Variants in GALNT13 observed in about 807,000 individuals in gnomAD.
The protein encoded by GALNT13 is UDP-GalNAc:polypeptide N-acetylgalactosaminyltransferase 13.
In GALNT13, 28 loss-of-function variants were observed where a neutral mutation model predicts 64.2. The observed-to-expected ratio is 0.44, with a 90% CI of 0.32 to 0.60. The LOEUF is 0.60. Among genes scored for constraint, GALNT13 ranks in the 20% least tolerant of loss-of-function variants. The probability of loss-of-function intolerance (pLI) is 0.05; values close to 1 mark genes in which losing one functional copy is unlikely to be tolerated. For synonymous variants in GALNT13, 214 were observed against 224.6 expected, an observed-to-expected ratio of 0.95 and a Z score of 0.42; for missense variants, 577 against 669.8, an observed-to-expected ratio of 0.86 and a Z score of 1.53.
chr2:153,496,315 ACTTAACT>A, the GALNT13 span, among the ~76,000 whole-genome samples: 1 of 152,168 alleles, frequency 6.6e-6, no homozygotes, highest in East Asian at 1.9e-4. Flanking sequence ...GGAGATAAAT[ACTTAACT>A]CTTAGGAAAT....
chr2:153,681,367 T>G, the GALNT13 span, among the ~76,000 whole-genome samples: 1 of 152,000 alleles, frequency 6.6e-6, no homozygotes, highest in African/African-American at 2.4e-5. Context: ...TTTCCAAAAC[T>G]ACTTCTCTGA....
At chr2:153,118,601 AG>A in the GALNT13 span, among the ~76,000 whole-genome samples, 1 of 152,176 alleles carries the variant, frequency 6.6e-6, no homozygotes, top group African/African-American at 2.4e-5. Context: ...GTGTAGCTGT[AG>A]GGTCAAGGAG....
chr2:153,783,866 A>G, the GALNT13 span, among the ~76,000 whole-genome samples: 1 of 152,174 alleles, frequency 6.6e-6, no homozygotes, highest in East Asian at 1.9e-4. Flanking sequence ...CTTCCCAGCC[A>G]TGCTGAACTG....
At chr2:153,656,090 A>G in the GALNT13 span, among the ~76,000 whole-genome samples, 15 of 152,264 alleles carry the variant, frequency 9.9e-5, no homozygotes, top group East Asian at 2.5e-3. Context: ...CTTATGAATT[A>G]AACTCAAAAT....
the GALNT13 span, among the ~76,000 whole-genome samples, chr2:153,382,506 A>G: frequency 7.4e-4 from 113 of 152,114 alleles, no homozygotes; most frequent in Non-Finnish European, 1.3e-3. Flanking sequence ...ACATGATTTC[A>G]TTCTTTTTTA....
At position 154,367,194 on chromosome 2, in the gene GALNT13, C is replaced by T. The variant is rs187567520; in HGVS notation, c.1157-28797C>T. Among the ~76,000 whole-genome samples the T allele has an allele frequency of 1.5e-4, 23 of 151,774 alleles. No individual in the cohort carries two copies. In the East Asian group the frequency reaches 4.3e-3, roughly 28 times the overall value. ...TAAATGAGATGAAACATAAGTGATT[C>T]GAACATAAGCAAGATCATTCTAAAA... On this transcript the variant is annotated intron_variant, in intron 9 of 12. Coordinates refer to ENST00000392825, the MANE Select transcript of GALNT13 (RefSeq NM_052917.4).
At chr2:153,775,577 T>A in the GALNT13 span, among the ~76,000 whole-genome samples, 1 of 152,154 alleles carries the variant, frequency 6.6e-6, no homozygotes, top group Non-Finnish European at 1.5e-5. Context: ...TTTCTTAATT[T>A]TTTTTCATTA....
At chr2:153,637,715 A>C in the GALNT13 span, among the ~76,000 whole-genome samples, 1 of 152,160 alleles carries the variant, frequency 6.6e-6, no homozygotes, top group African/African-American at 2.4e-5. Flanking sequence ...GTGTGAAATA[A>C]ATCTAGAATA....
the GALNT13 span, among the ~76,000 whole-genome samples, chr2:153,847,583 T>A: frequency 3.3e-5 from 5 of 152,058 alleles, no homozygotes; most frequent in African/African-American, 1.2e-4. Context: ...TGAAAATTCC[T>A]AGATATTTGG....
At chr2:154,392,455 GTTCC>G (rs1698840647) in intron 9 of GALNT13, among the ~76,000 whole-genome samples, 5 of 152,168 alleles carry the variant, frequency 3.3e-5, no homozygotes. Flanking sequence ...GTAAGTTTCA[GTTCC>G]TTTATATTAT....
intron 8 of GALNT13, among the ~76,000 whole-genome samples, chr2:154,280,526 T>G (rs982159453): frequency 6.6e-6 from 1 of 152,196 alleles, no homozygotes; most frequent in Non-Finnish European, 1.5e-5. Context: ...GAAATTTAAT[T>G]GAAACTGAAA....
intron 9 of GALNT13, among the ~76,000 whole-genome samples, chr2:154,332,002 T>A (rs1695191206): frequency 6.6e-6 from 1 of 152,142 alleles, no homozygotes; most frequent in Admixed American, 6.6e-5. Context: ...CGTGATCTAT[T>A]TCAGGCTTTA....
chr2:153,887,871 C>T (rs553315984), intron 1 of GALNT13, among the ~76,000 whole-genome samples: 13 of 152,078 alleles, frequency 8.5e-5, no homozygotes, highest in Admixed American at 1.3e-4. Context: ...ATTGCCATCC[C>T]ACCCTTCATT....
chr2:153,880,483 A>G (rs923778359), intron 1 of GALNT13, among the ~76,000 whole-genome samples: 1 of 152,162 alleles, frequency 6.6e-6, no homozygotes, highest in Non-Finnish European at 1.5e-5. Context: ...AAAAGAGTTA[A>G]AAATCGGCAT....
intron 3 of GALNT13, among the ~76,000 whole-genome samples, chr2:153,988,057 CATATAT>C (rs149702413): frequency 4.2e-5 from 5 of 118,276 alleles, no homozygotes; most frequent in East Asian, 2.0e-4. Flanking sequence ...TAGGAGGTGA[CATATAT>C]ATATATATAT....
At chr2:154,107,850 A>G (rs1402177675) in intron 3 of GALNT13, among the ~76,000 whole-genome samples, 1 of 152,084 alleles carries the variant, frequency 6.6e-6, no homozygotes, top group Non-Finnish European at 1.5e-5. Flanking sequence ...GTTAGAGAGA[A>G]CATGTAGTAA....
the GALNT13 span, chr2:153,478,409 T>C: frequency 5.0e-6 from 8 of 1,614,026 alleles, no homozygotes; most frequent in Non-Finnish European, 6.8e-6. Context: ...ACGCGCATTA[T>C]GTACAGGCTA....
chr2:153,555,059 C>G, the GALNT13 span, among the ~76,000 whole-genome samples: 1 of 151,894 alleles, frequency 6.6e-6, no homozygotes, highest in Admixed American at 6.6e-5. Context: ...CTCTGTAGTA[C>G]CTTTTAAAAA....
chr2:154,205,705 C>T lies in GALNT13; in HGVS notation c.312-36325C>T, dbSNP rs1687406812. Among the ~76,000 whole-genome samples the T allele has an allele frequency of 2.6e-5, 4 of 152,244 alleles. No homozygotes were observed. The South Asian group carries it at 8.3e-4, about 32-fold the overall frequency. On this transcript the variant is annotated intron_variant, in intron 4 of 12. Coordinates refer to ENST00000392825, the MANE Select transcript of GALNT13 (RefSeq NM_052917.4). The stretch of plus-strand genomic sequence containing the variant: ...CAGATGCTGGCAGGCAAAGAGAGAG[C>T]TCTTTCAGGGGAACTCCCATTTTTA...
Sources: allele counts gnomAD v4.1 joint callset (sites outside exome capture counted in the v4.1 genomes callset), GRCh38; gene constraint gnomAD v4.1.1; transcripts MANE v1.5; gene names NCBI Gene and HGNC (gene_info 2026-07-23, HGNC 2026-07-21).